The following ITGAL variants were observed in gnomAD, a reference collection of about 807,000 sequenced individuals.
ITGAL encodes integrin subunit alpha L.
Under a neutral mutation model 138.4 loss-of-function variants are expected in ITGAL, and 68 were observed. The ratio of observed to expected loss-of-function variants is 0.49; its 90% CI spans 0.40 to 0.60. The LOEUF (loss-of-function observed/expected upper bound fraction) is 0.60, where lower values mean the gene tolerates loss of function less well. ITGAL is among the 20% of genes least tolerant of loss of function. ITGAL has a pLI of 0.00. For synonymous variants in ITGAL, 561 were observed against 584.3 expected, an observed-to-expected ratio of 0.96 and a Z score of 0.57; for missense variants, 1,256 against 1,478.6, an observed-to-expected ratio of 0.85 and a Z score of 2.47.
At chr16:30,497,443 A>AG (rs2050818607) in intron 15 of ITGAL, among the ~76,000 whole-genome samples, 1 of 150,926 alleles carries the variant, frequency 6.6e-6, no homozygotes, top group African/African-American at 2.4e-5. Flanking sequence ...AGAGTTTGAG[A>AG]CCAGCCTGGG....
rs751825408 is a variant in ITGAL at position 30,496,268 on chromosome 16, G to A, written c.1675G>A (p.Gly559Arg). 58 of 1,600,910 alleles carry A rather than the reference G, an allele frequency of 3.6e-5. No individual in the cohort carries two copies. The highest frequency in any genetic ancestry group is 4.5e-5 in the East Asian group (2 of 44,640). Reference protein sequence around the residue: ...GAVYIFNGRHGGLSPQPSQRI... With the variant: ...GAVYIFNGRHRGLSPQPSQRI... ...TGTGTACATCTTCAATGGGAGGCAC[G>A]GGGGGCTTAGTCCCCAGCCAAGTCA... is the stretch of plus-strand genomic sequence containing the variant. Residue 559 changes from glycine (G) to arginine (R), a missense_variant, in exon 14 of 31, where the codon GGG becomes AGG. Coordinates refer to ENST00000356798, the MANE Select transcript of ITGAL (RefSeq NM_002209.3).
chr16:30,498,230 CAGG>C (rs2050832883), intron 15 of ITGAL, among the ~76,000 whole-genome samples: 1 of 139,560 alleles, frequency 7.2e-6, no homozygotes, highest in South Asian at 2.2e-4. Context: ...GAGGCTGAGG[CAGG>C]AGAATTGCTT....
At chr16:30,509,412 T>G (rs1339843009) in intron 21 of ITGAL, 1 of 152,148 alleles carries the variant, frequency 6.6e-6, no homozygotes, top group East Asian at 1.9e-4. Context: ...AGGATCAGGC[T>G]CATTTTTTAA....
chr16:30,497,282 G>T (rs1463677769), intron 15 of ITGAL, among the ~76,000 whole-genome samples: 4 of 151,454 alleles, frequency 2.6e-5, no homozygotes, highest in African/African-American at 9.7e-5. Context: ...GGCGGAGCTT[G>T]CAGTGAGCCG....
chr16:30,494,161 T>C lies in ITGAL; in HGVS notation c.1214-51T>C. The C allele has an allele frequency of 6.7e-7, 1 of 1,493,896 alleles. No homozygotes were observed. The highest frequency in any genetic ancestry group is 9.1e-7 in the Non-Finnish European group (1 of 1,100,532). The allele number at this position is 1,493,896 out of a possible 1,614,324, so 92.5% of individuals were successfully genotyped here. On this transcript the variant is annotated intron_variant, in intron 11 of 30. Transcript: ENST00000356798. The surrounding 1 kb of genome is among the most constrained non-coding windows in gnomAD (Gnocchi z 4.2). ...GCCCCTGCCCCTCTCCTGCTGGGTGTTCTTCCAGCATCCTGTGTTCCTAAC... is the reference window on the plus strand; with the variant it reads ...GCCCCTGCCCCTCTCCTGCTGGGTGCTCTTCCAGCATCCTGTGTTCCTAAC...
intron 28 of ITGAL, 38 bp from the exon 29 acceptor site, chr16:30,518,586 G>A (rs373756894): frequency 1.2e-4 from 176 of 1,450,930 alleles, no homozygotes; most frequent in East Asian, 4.5e-5. Flanking sequence ...TTCTGTCCTC[G>A]TTCTCCCGGG....
At chr16:30,501,049 T>C (rs1240395672) in intron 17 of ITGAL, among the ~76,000 whole-genome samples, 1 of 151,932 alleles carries the variant, frequency 6.6e-6, no homozygotes, top group Non-Finnish European at 1.5e-5. Context: ...TCTTGCTGTG[T>C]TGCCCAGGCT....
intron 21 of ITGAL, among the ~76,000 whole-genome samples, chr16:30,509,136 A>G (rs2051050503): frequency 6.6e-6 from 1 of 150,936 alleles, no homozygotes; most frequent in Admixed American, 6.7e-5. Context: ...AGATCACTCT[A>G]CTGCACTCTA....
chr16:30,518,788 T>C (rs2051209495), intron 29 of ITGAL, 69 bp downstream of exon 29: 3 of 1,161,202 alleles, frequency 2.6e-6, no homozygotes, highest in Non-Finnish European at 3.9e-6. Context: ...AGGGCAGACC[T>C]AGATGTGGGA....
Position 30,494,269 on chromosome 16 carries a change from C to T in ITGAL, c.1271C>T (p.Ala424Val). ...RQKTSLLASG[A>V]PRYQHMGRVL... ...AAGACTTCGTTGCTGGCCTCGGGAG[C>T]CCCTCGATACCAGCACATGGGCCGA... is the stretch of plus-strand genomic sequence containing the variant. The change falls in exon 12 of 31, where the codon GCC (alanine) becomes GTC (valine). Residue 424 changes from alanine (A) to valine (V), a missense_variant. Coordinates refer to ENST00000356798, the MANE Select transcript of ITGAL (RefSeq NM_002209.3). This position sits in a 1 kb window ranked among gnomAD's most constrained non-coding sequence, Gnocchi z 4.2. 6.2e-7 allele frequency: 1 copy of T among 1,613,186 alleles called. No individual in the cohort carries two copies. The highest frequency in any genetic ancestry group is 8.5e-7 in the Non-Finnish European group (1 of 1,179,320).
At position 30,514,656 on chromosome 16, in the gene ITGAL, TC is replaced by T. The variant is rs1013389877; in HGVS notation, c.2862+811del. Among the ~76,000 whole-genome samples the T allele has an allele frequency of 1.8e-4, 27 of 152,110 alleles. 1 individual carries two copies. Among genetic ancestry groups the T allele is most frequent in the Admixed American group, 4.6e-4 (7 of 15,270 alleles). ...CCAGGCTGGTCTGGAACTCCTGACT[TC>T]AAGTGATCTACCCACCTCAGCCTCC... is the stretch of plus-strand genomic sequence containing the variant. On this transcript the variant is annotated intron_variant, in intron 25 of 30. Transcript: ENST00000356798.
intron 13 of ITGAL, 37 bp from the exon 14 acceptor site, chr16:30,496,060 G>A (rs1260094929): frequency 6.5e-7 from 1 of 1,527,946 alleles, no homozygotes; most frequent in East Asian, 2.2e-5. Context: ...AGCATGCTGA[G>A]TGACTTGGGT....
intron 15 of ITGAL, 24 bp downstream of exon 15, chr16:30,496,590 A>G (rs751206972): frequency 6.3e-6 from 10 of 1,593,404 alleles, no homozygotes; most frequent in Non-Finnish European, 7.7e-6. Flanking sequence ...CCCAGGTCAC[A>G]CCTGATGACC....
intron 11 of ITGAL, among the ~76,000 whole-genome samples, chr16:30,492,104 G>T (rs72793336): frequency 4.1e-4 from 62 of 152,220 alleles, no homozygotes; most frequent in Non-Finnish European, 6.9e-4. Flanking sequence ...CTTGCTGGTG[G>T]CTCTTGGCTC....
At chr16:30,507,344 A>C (rs2051017213) in intron 21 of ITGAL, among the ~76,000 whole-genome samples, 1 of 151,894 alleles carries the variant, frequency 6.6e-6, no homozygotes, top group Admixed American at 6.6e-5. Flanking sequence ...CTGTAGTCCC[A>C]GCTACTCGGG....
At chr16:30,485,657 G>C (rs1313102960) in intron 9 of ITGAL, among the ~76,000 whole-genome samples, 1 of 151,268 alleles carries the variant, frequency 6.6e-6, no homozygotes, top group Non-Finnish European at 1.5e-5. Flanking sequence ...GACTACAGGT[G>C]TGTGATACCA....
intron 20 of ITGAL, 120 bp from the exon 21 acceptor site, chr16:30,506,581 AAAAAAAAAAAAAAG>A: frequency 1.7e-5 from 7 of 422,062 alleles, no homozygotes; most frequent in South Asian, 8.4e-5. Context: ...AAAAAAAAAA[AAAAAAAAAAAAAAG>A]ACTGAGCATA....
intron 21 of ITGAL, among the ~76,000 whole-genome samples, chr16:30,510,126 C>T (rs1293506864): frequency 6.6e-6 from 1 of 152,074 alleles, no homozygotes; most frequent in Non-Finnish European, 1.5e-5. Flanking sequence ...GTAATCCTCC[C>T]ACCTCAGCCT....
At chr16:30,506,308 C>T (rs1370938067) in intron 20 of ITGAL, among the ~76,000 whole-genome samples, 1 of 147,168 alleles carries the variant, frequency 6.8e-6, no homozygotes, top group Non-Finnish European at 1.5e-5. Context: ...AATCCCAGCA[C>T]TTTGGGAGGC....
Sources: allele counts gnomAD v4.1 joint callset (sites outside exome capture counted in the v4.1 genomes callset), GRCh38; gene constraint gnomAD v4.1.1; non-coding constraint Gnocchi (gnomAD v3.1); transcripts MANE v1.5; gene names NCBI Gene and HGNC (gene_info 2026-07-23, HGNC 2026-07-21).